The following SGCZ variants were observed in gnomAD, a reference collection of about 807,000 sequenced individuals.
SGCZ encodes the protein zeta-sarcoglycan.
A neutral mutation model predicts 41.3 loss-of-function variants in SGCZ; 40 were observed. That is an observed-to-expected ratio of 0.97 (90% CI 0.75 to 1.26). The LOEUF is 1.26. Among genes scored for constraint, SGCZ ranks in the 50% most tolerant of loss-of-function variants. The pLI is 0.00. For missense variants in SGCZ, 552 were observed against 369.8 expected (o/e 1.49, Z -4.04); for synonymous variants, 206 against 137.5 (o/e 1.50, Z -3.49).
At chr8:14,876,687 C>A (rs1179864066) in intron 1 of SGCZ, among the ~76,000 whole-genome samples, 1 of 152,106 alleles carries the variant, frequency 6.6e-6, no homozygotes, top group Non-Finnish European at 1.5e-5. Context: ...GTTATTGACA[C>A]AAATAGTGAG....
intron 1 of SGCZ, among the ~76,000 whole-genome samples, chr8:14,840,148 G>A (rs781523512): frequency 6.6e-6 from 1 of 152,018 alleles, no homozygotes; most frequent in Non-Finnish European, 1.5e-5. Flanking sequence ...AATATGATTT[G>A]AATGTAATTA....
rs150463528 is a variant in SGCZ, at chr8:14,594,608, C to T, written c.40-39682G>A. ...ATGTCTATGGTCATGTTATTTGATA[C>T]TCTGGATAGTTTTCTCCTAATTGAT... On this transcript the variant is annotated intron_variant, in intron 1 of 7. Transcript: ENST00000382080. 3.4e-4 allele frequency among the ~76,000 whole-genome samples: 52 copies of T among 151,070 alleles called. No homozygotes were observed. In the East Asian group the frequency reaches 9.9e-3, roughly 29 times the overall value.
At chr8:14,173,718 A>G (rs1204151336) in intron 4 of SGCZ, among the ~76,000 whole-genome samples, 1 of 151,680 alleles carries the variant, frequency 6.6e-6, no homozygotes, top group Non-Finnish European at 1.5e-5. Flanking sequence ...GAGCAGGAAC[A>G]GAGGATAAAA....
intron 1 of SGCZ, among the ~76,000 whole-genome samples, chr8:14,916,227 A>G (rs879559881): frequency 6.6e-6 from 1 of 152,052 alleles, no homozygotes; most frequent in East Asian, 1.9e-4. Flanking sequence ...CTGATTTCCT[A>G]TCTATTACCT....
intron 2 of SGCZ, among the ~76,000 whole-genome samples, chr8:14,420,610 A>T (rs1799612787): frequency 6.6e-6 from 1 of 151,940 alleles, no homozygotes; most frequent in South Asian, 2.1e-4. Flanking sequence ...TGAAGTTCTG[A>T]GCTCAGAAAT....
chr8:15,161,233 C>G (rs1168505262), intron 1 of SGCZ, among the ~76,000 whole-genome samples: 1 of 152,064 alleles, frequency 6.6e-6, no homozygotes. Context: ...ACTTTAAACG[C>G]TCTCCCCCTA....
At chr8:15,041,327 G>C (rs116999662) in intron 1 of SGCZ, among the ~76,000 whole-genome samples, 24 of 151,872 alleles carry the variant, frequency 1.6e-4, no homozygotes, top group Non-Finnish European at 8.8e-5. Context: ...ACCTAGATAA[G>C]CATATAATTG....
intron 1 of SGCZ, among the ~76,000 whole-genome samples, chr8:14,964,220 T>C (rs1801059275): frequency 6.6e-6 from 1 of 152,196 alleles, no homozygotes; most frequent in African/African-American, 2.4e-5. Flanking sequence ...CTTAGCCCTA[T>C]TTTCAAGATT....
At chr8:15,047,404 T>C (rs1182930617) in intron 1 of SGCZ, among the ~76,000 whole-genome samples, 2 of 152,086 alleles carry the variant, frequency 1.3e-5, no homozygotes, top group Non-Finnish European at 2.9e-5. Flanking sequence ...TCCATAAATT[T>C]CTTTTCTGTA....
At chr8:14,498,793 A>G (rs1203563220) in intron 2 of SGCZ, among the ~76,000 whole-genome samples, 1 of 152,010 alleles carries the variant, frequency 6.6e-6, no homozygotes, top group Non-Finnish European at 1.5e-5. Flanking sequence ...TATATTTTAA[A>G]TCTCCATATT....
intron 1 of SGCZ, among the ~76,000 whole-genome samples, chr8:14,861,272 G>A (rs1246836685): frequency 6.6e-6 from 1 of 152,074 alleles, no homozygotes; most frequent in Non-Finnish European, 1.5e-5. Context: ...TCAAAATAGT[G>A]ACAAAGAAGA....
At chr8:14,223,986 T>A (rs970893313) in intron 4 of SGCZ, among the ~76,000 whole-genome samples, 2 of 152,178 alleles carry the variant, frequency 1.3e-5, no homozygotes, top group African/African-American at 4.8e-5. Flanking sequence ...CATTTTATGT[T>A]TAAGAAACGG....
chr8:14,757,472 G>C (rs1415079853), intron 1 of SGCZ, among the ~76,000 whole-genome samples: 1 of 152,188 alleles, frequency 6.6e-6, no homozygotes, highest in African/African-American at 2.4e-5. Context: ...ATGCCTCTTT[G>C]TCCTCTCTAA....
intron 1 of SGCZ, among the ~76,000 whole-genome samples, chr8:14,566,112 C>G (rs1019387515): frequency 1.3e-5 from 2 of 152,068 alleles, no homozygotes; most frequent in Non-Finnish European, 2.9e-5. Flanking sequence ...ACAAATGAAA[C>G]AGAAGATCTT....
chr8:14,677,285 C>T (rs916476100), intron 1 of SGCZ, among the ~76,000 whole-genome samples: 2 of 151,766 alleles, frequency 1.3e-5, no homozygotes, highest in Admixed American at 6.6e-5. Flanking sequence ...AATTATAAGA[C>T]TCTGATCAAA....
At chr8:15,169,972 A>T (rs186504870) in intron 1 of SGCZ, among the ~76,000 whole-genome samples, 6 of 152,334 alleles carry the variant, frequency 3.9e-5, no homozygotes, top group Admixed American at 6.5e-5. Context: ...TCCAGTCGAA[A>T]ATACTGCAGC....
At chr8:14,323,140 G>T (rs1028080475) in intron 3 of SGCZ, among the ~76,000 whole-genome samples, 1 of 151,920 alleles carries the variant, frequency 6.6e-6, no homozygotes, top group African/African-American at 2.4e-5. Flanking sequence ...GAAATTTAAA[G>T]TTAATATCCT....
At chr8:14,486,186 G>A (rs1053224717) in intron 2 of SGCZ, among the ~76,000 whole-genome samples, 1 of 152,022 alleles carries the variant, frequency 6.6e-6, no homozygotes, top group African/African-American at 2.4e-5. Flanking sequence ...CTATCTTTTG[G>A]TTGCCATTTT....
chr8:15,208,782 G>C (rs1057072640), intron 1 of SGCZ, among the ~76,000 whole-genome samples: 2 of 149,642 alleles, frequency 1.3e-5, no homozygotes, highest in Non-Finnish European at 2.9e-5. Flanking sequence ...CAAACTGCAA[G>C]ATGCTAATAA....
Sources: allele counts gnomAD v4.1 joint callset (sites outside exome capture counted in the v4.1 genomes callset), GRCh38; gene constraint gnomAD v4.1.1; transcripts MANE v1.5; gene names NCBI Gene and HGNC (gene_info 2026-07-23, HGNC 2026-07-21).